Variants in IFI27L1 observed in about 807,000 individuals in gnomAD.
The protein encoded by IFI27L1 is interferon alpha-inducible protein 27-like protein 1.
IFI27L1 carries 3 observed loss-of-function variants against 9.2 expected under a neutral mutation model. The ratio of observed to expected loss-of-function variants is 0.32; its 90% CI spans 0.15 to 0.84. IFI27L1 has a LOEUF of 0.84. Ranked by LOEUF, IFI27L1 falls within the 40% of genes least tolerant of loss-of-function variation. The pLI, the probability that IFI27L1 is intolerant of heterozygous loss-of-function variation, is 0.56. For synonymous variants in IFI27L1, 53 were observed against 50.0 expected (o/e 1.06, Z -0.26); for missense variants, 133 against 134.2 (o/e 0.99, Z 0.05).
chr14:94,101,765 T>C (rs1198964261), intron 3 of IFI27L1, 49 bp from the exon 4 acceptor site: 3 of 1,597,156 alleles, frequency 1.9e-6, no homozygotes, highest in Non-Finnish European at 2.6e-6. Flanking sequence ...CAGGGAAGTC[T>C]GGGGGACTCC....
At chr14:94,102,060 G>T (rs754840090) in intron 4 of IFI27L1, 85 bp downstream of exon 4, 1 of 1,410,020 alleles carries the variant, frequency 7.1e-7, no homozygotes, top group South Asian at 1.2e-5. Context: ...CTCCCTGCAG[G>T]TCCGTGATCC....
chr14:94,085,796 A>G (rs887219453), intron 1 of IFI27L1, among the ~76,000 whole-genome samples: 1 of 152,218 alleles, frequency 6.6e-6, no homozygotes, highest in Non-Finnish European at 1.5e-5. Flanking sequence ...AAATTCATTC[A>G]TCCCCATTTC....
intron 1 of IFI27L1, among the ~76,000 whole-genome samples, chr14:94,084,995 G>T (rs1202883058): frequency 6.6e-6 from 1 of 150,588 alleles, no homozygotes; most frequent in Non-Finnish European, 1.5e-5. Context: ...GACCCTGTGT[G>T]GGGGAAAAAA....
chr14:94,084,834 C>G (rs913380404), intron 1 of IFI27L1, among the ~76,000 whole-genome samples: 1 of 152,200 alleles, frequency 6.6e-6, no homozygotes, highest in African/African-American at 2.4e-5. Context: ...GAAAGAAAAA[C>G]AGGCAGTTAA....
chr14:94,100,811 G>C, intron 3 of IFI27L1, 40 bp downstream of exon 3: 1 of 1,606,228 alleles, frequency 6.2e-7, no homozygotes, highest in Non-Finnish European at 8.5e-7. Context: ...CCCATCCCCC[G>C]CCTCCCCCCA....
intron 3 of IFI27L1, chr14:94,101,081 G>C: frequency 1.8e-6 from 1 of 559,240 alleles, no homozygotes; most frequent in Non-Finnish European, 3.2e-6. Flanking sequence ...CAGGGCCCAT[G>C]GTATCCTTGG....
chr14:94,081,905 A>G (rs753622562), intron 1 of IFI27L1, among the ~76,000 whole-genome samples: 1 of 152,230 alleles, frequency 6.6e-6, no homozygotes, highest in Non-Finnish European at 1.5e-5. Context: ...TAATAACCCT[A>G]CAATGGGCCT....
chr14:94,086,571 T>C (rs1353444943), intron 1 of IFI27L1, among the ~76,000 whole-genome samples: 2 of 152,006 alleles, frequency 1.3e-5, no homozygotes, highest in African/African-American at 4.8e-5. Context: ...GCAGAGAGCT[T>C]AAAAAAAGAG....
intron 1 of IFI27L1, among the ~76,000 whole-genome samples, chr14:94,087,283 T>A (rs934353903): frequency 1.3e-5 from 2 of 152,326 alleles, no homozygotes; most frequent in Admixed American, 6.5e-5. Context: ...TTGTGTAAGG[T>A]TGTGATGGCC....
chr14:94,093,125 A>G (rs950945926), intron 1 of IFI27L1, among the ~76,000 whole-genome samples: 2 of 151,992 alleles, frequency 1.3e-5, no homozygotes, highest in Admixed American at 1.3e-4. Context: ...TGAGGAATTC[A>G]AAATCCTCCT....
chr14:94,097,566 A>G lies in IFI27L1; in HGVS notation c.28+601A>G, dbSNP rs188782103. ...CAGTGACTTGGGCCAGAGCAGAGGC[A>G]GAGAGACAAGTTAGGAAGCTCCTCC... On this transcript the variant is annotated intron_variant, in intron 2 of 4. Coordinates refer to ENST00000555523, the MANE Select transcript of IFI27L1 (RefSeq NM_206949.3). 5,045 of 698,898 alleles carry G rather than the reference A, an allele frequency of 7.2e-3. 36 individuals carry two copies. Among genetic ancestry groups the G allele is most frequent in the South Asian group, 0.015 (1,034 of 66,996 alleles). 43.3% of individuals were successfully genotyped at this position (698,898 alleles called of 1,614,324 possible). A position where few individuals can be genotyped will look rare whatever the true frequency, so the allele number is the denominator to read the frequency against.
intron 1 of IFI27L1, among the ~76,000 whole-genome samples, chr14:94,091,787 A>T (rs975521493): frequency 6.6e-6 from 1 of 152,170 alleles, no homozygotes; most frequent in Non-Finnish European, 1.5e-5. Flanking sequence ...TTTTGTCTAT[A>T]GCTTATTCAA....
At position 94,084,723 on chromosome 14, in the gene IFI27L1, C is replaced by T. The variant is rs1485322523; in HGVS notation, c.-52+3274C>T. Among the ~76,000 whole-genome samples, 5 of 152,094 alleles carry T rather than the reference C, an allele frequency of 3.3e-5. No individual in the cohort carries two copies. The South Asian group carries it at 6.2e-4, about 19-fold the overall frequency. ...ACTTTTCAAGGAACAACACGTTTTA[C>T]GACTTGAGAGTATCTGTCTAGTGAC... On this transcript the variant is annotated intron_variant, in intron 1 of 4. Transcript: ENST00000555523.
chr14:94,102,598 C>T lies in IFI27L1; in HGVS notation c.*30C>T, dbSNP rs371702832. On this transcript the variant is annotated 3_prime_UTR_variant, in exon 5 of 5. Transcript: ENST00000555523. The stretch of plus-strand genomic sequence containing the variant: ...CACACTGAGGCAGGGAGTTGGCTCT[C>T]TTGGTGGAGATGACTTTCCTGGGCC... 7.1e-4 allele frequency: 959 copies of T among 1,346,328 alleles called. No individual in the cohort carries two copies. Among genetic ancestry groups the T allele is most frequent in the Non-Finnish European group, 8.5e-4 (846 of 999,624 alleles). 83.4% of individuals were successfully genotyped at this position (1,346,328 alleles called of 1,614,324 possible). A position where few individuals can be genotyped will look rare whatever the true frequency, so the allele number is the denominator to read the frequency against.
chr14:94,096,172 C>T (rs972178139), intron 1 of IFI27L1, among the ~76,000 whole-genome samples: 10 of 152,148 alleles, frequency 6.6e-5, no homozygotes, highest in Admixed American at 4.6e-4. Flanking sequence ...AAGTTTAGGG[C>T]GAGGCAGAAG....
intron 1 of IFI27L1, among the ~76,000 whole-genome samples, chr14:94,093,622 G>C (rs1219894691): frequency 6.6e-6 from 1 of 152,190 alleles, no homozygotes; most frequent in Non-Finnish European, 1.5e-5. Flanking sequence ...AGCATGGATT[G>C]GTGGCTAACA....
intron 1 of IFI27L1, among the ~76,000 whole-genome samples, chr14:94,092,510 CAAAAACAAAA>C (rs908540244): frequency 4.9e-4 from 75 of 152,140 alleles, no homozygotes; most frequent in Admixed American, 2.6e-3. Context: ...GACTCCATCT[CAAAAACAAAA>C]CAAAACAAAA....
chr14:94,096,820 C>T, intron 1 of IFI27L1, 67 bp from the exon 2 acceptor site: 2 of 814,526 alleles, frequency 2.5e-6, no homozygotes, highest in Non-Finnish European at 4.2e-6. Flanking sequence ...AGGAGGGATG[C>T]AGAGTTCTTT....
At chr14:94,101,743 C>T (rs937233219) in intron 3 of IFI27L1, 71 bp from the exon 4 acceptor site, 2 of 1,519,506 alleles carry the variant, frequency 1.3e-6, no homozygotes, top group Non-Finnish European at 1.8e-6. Context: ...CCTCATCGCC[C>T]CAGGAGGATG....
Sources: gnomAD v4.1 joint callset for allele counts (sites outside exome capture counted in the v4.1 genomes callset) on GRCh38, gnomAD v4.1.1 for gene constraint, MANE v1.5 for transcripts, NCBI Gene and HGNC (gene_info 2026-07-23, HGNC 2026-07-21) for gene names.